MEGF11: variants seen among roughly 807,000 people sequenced by gnomAD.
MEGF11 encodes the protein multiple epidermal growth factor-like domains protein 11.
A neutral mutation model predicts 146.6 loss-of-function variants in MEGF11; 126 were observed. That is an observed-to-expected ratio of 0.86 (90% CI 0.74 to 1.00). MEGF11 has a LOEUF of 1.00. Among genes scored for constraint, MEGF11 ranks in the 50% least tolerant of loss-of-function variants. MEGF11 has a pLI of 0.00. For missense variants in MEGF11, 1,509 were observed against 1,521.2 expected (o/e 0.99, Z 0.13); for synonymous variants, 532 against 583.4 (o/e 0.91, Z 1.27).
At chr15:66,173,067 C>T (rs956039036) in intron 1 of MEGF11, among the ~76,000 whole-genome samples, 2 of 152,182 alleles carry the variant, frequency 1.3e-5, no homozygotes, top group African/African-American at 4.8e-5. Flanking sequence ...ACCTCAAACG[C>T]CCTCCTCCAC....
chr15:66,210,267 C>T (rs571490891), intron 1 of MEGF11, among the ~76,000 whole-genome samples: 2 of 152,178 alleles, frequency 1.3e-5, no homozygotes, highest in African/African-American at 4.8e-5. Context: ...ACAAATATCT[C>T]GAAACAGGAC....
intron 9 of MEGF11, among the ~76,000 whole-genome samples, chr15:65,958,811 A>G (rs1199107498): frequency 1.3e-5 from 2 of 152,124 alleles, no homozygotes; most frequent in Non-Finnish European, 2.9e-5. Context: ...TGCTCTTGGT[A>G]TCTGCTTCTG....
chr15:66,112,540 A>G (rs1034648896), intron 4 of MEGF11, among the ~76,000 whole-genome samples: 6 of 152,234 alleles, frequency 3.9e-5, no homozygotes, highest in African/African-American at 1.2e-4. Flanking sequence ...AGAAATTAAG[A>G]GAATGGAAGA....
intron 10 of MEGF11, among the ~76,000 whole-genome samples, chr15:65,956,111 C>T (rs1408602153): frequency 6.6e-6 from 1 of 152,124 alleles, no homozygotes; most frequent in East Asian, 1.9e-4. Flanking sequence ...CAGACCATGC[C>T]TAGACCAAAT....
intron 4 of MEGF11, among the ~76,000 whole-genome samples, chr15:66,104,806 A>T (rs1375871686): frequency 6.6e-6 from 1 of 152,170 alleles, no homozygotes; most frequent in Non-Finnish European, 1.5e-5. Flanking sequence ...ATCTAACAGC[A>T]TCATGGGGGT....
At chr15:66,076,203 AGGATGGAT>A (rs55758771) in intron 5 of MEGF11, among the ~76,000 whole-genome samples, 96,901 of 148,628 alleles carry the variant, frequency 0.65, 31,860 homozygotes, top group Admixed American at 0.71. Flanking sequence ...ACTGACAGAC[AGGATGGAT>A]GGATGGATGG....
At chr15:65,923,286 T>G (rs756473423) in intron 13 of MEGF11, among the ~76,000 whole-genome samples, 2 of 151,994 alleles carry the variant, frequency 1.3e-5, no homozygotes, top group African/African-American at 2.4e-5. Flanking sequence ...AAGTGCAAAA[T>G]GGGGTACGGC....
intron 4 of MEGF11, among the ~76,000 whole-genome samples, chr15:66,101,865 G>C (rs1423039227): frequency 6.6e-6 from 1 of 152,136 alleles, no homozygotes; most frequent in Non-Finnish European, 1.5e-5. Context: ...CAAAGCCTAG[G>C]CTCTGGCCTC....
At chr15:66,172,641 C>T (rs2090292799) in intron 1 of MEGF11, among the ~76,000 whole-genome samples, 1 of 152,210 alleles carries the variant, frequency 6.6e-6, no homozygotes, top group Non-Finnish European at 1.5e-5. Context: ...CCCACTGTCA[C>T]CCACTCCAGG....
chr15:66,160,403 C>T (rs2089911293), intron 1 of MEGF11, among the ~76,000 whole-genome samples: 1 of 152,082 alleles, frequency 6.6e-6, no homozygotes, highest in South Asian at 2.1e-4. Flanking sequence ...CCTAGTTCCC[C>T]AGTGACACCG....
intron 1 of MEGF11, among the ~76,000 whole-genome samples, chr15:66,195,392 TG>T (rs976269990): frequency 6.6e-6 from 1 of 152,170 alleles, no homozygotes; most frequent in Admixed American, 6.5e-5. Flanking sequence ...ACAGGGACTC[TG>T]GGGGGTCACT....
chr15:66,048,673 C>T (rs2084325719), intron 5 of MEGF11, among the ~76,000 whole-genome samples: 1 of 152,236 alleles, frequency 6.6e-6, no homozygotes, highest in Non-Finnish European at 1.5e-5. Context: ...CCCACCTTGC[C>T]ACGCTGGTGG....
intron 4 of MEGF11, among the ~76,000 whole-genome samples, chr15:66,112,150 A>G (rs547688239): frequency 3.7e-4 from 57 of 152,274 alleles, no homozygotes; most frequent in Non-Finnish European, 5.0e-4. Flanking sequence ...CTCCATGAAC[A>G]GGAGAATTGA....
intron 5 of MEGF11, among the ~76,000 whole-genome samples, chr15:66,059,295 C>G (rs2084805545): frequency 6.6e-6 from 1 of 152,222 alleles, no homozygotes; most frequent in Admixed American, 6.5e-5. Context: ...GTTGCACTTT[C>G]TCTGGCTCAG....
intron 10 of MEGF11, among the ~76,000 whole-genome samples, chr15:65,946,018 C>A (rs28731008): frequency 0.097 from 14,789 of 152,248 alleles, 724 homozygotes; most frequent in African/African-American, 0.13. Context: ...ACAATAGTAT[C>A]TTCTTCCAAG....
At chr15:66,149,738 C>T (rs754065783) in intron 1 of MEGF11, among the ~76,000 whole-genome samples, 6 of 152,020 alleles carry the variant, frequency 3.9e-5, no homozygotes, top group Non-Finnish European at 5.9e-5. Context: ...CTCATAAATA[C>T]AGCCGATTAA....
chr15:66,010,128 A>C (rs2082662521), intron 5 of MEGF11, among the ~76,000 whole-genome samples: 1 of 150,648 alleles, frequency 6.6e-6, no homozygotes, highest in South Asian at 2.1e-4. Context: ...GTCTTGGGCC[A>C]CACATAAAAC....
chr15:66,036,292 TC>T (rs1467880333), intron 5 of MEGF11, among the ~76,000 whole-genome samples: 1 of 152,230 alleles, frequency 6.6e-6, no homozygotes, highest in Non-Finnish European at 1.5e-5. Context: ...CTATCCTTTC[TC>T]CCTGCTCCCT....
chr15:66,082,441 AAAAAAAAAAAAAAAAAAAAAAAAAAATCT>A (rs2085899405), intron 5 of MEGF11, among the ~76,000 whole-genome samples: 3 of 104,012 alleles, frequency 2.9e-5, no homozygotes, highest in African/African-American at 4.2e-5. Context: ...AAAAAAAAAA[AAAAAAAAAAAAAAAAAAAAAAAAAAATCT>A]ATCTATCTAT....
Sources: gnomAD v4.1 joint callset for allele counts (sites outside exome capture counted in the v4.1 genomes callset) on GRCh38, gnomAD v4.1.1 for gene constraint, MANE v1.5 for transcripts, NCBI Gene and HGNC (gene_info 2026-07-23, HGNC 2026-07-21) for gene names.